Variants in ZNF292 observed in about 807,000 individuals in gnomAD.
ZNF292 encodes zinc finger protein 292.
In ZNF292, 26 loss-of-function variants were observed where a neutral mutation model predicts 217.9. The observed-to-expected ratio is 0.12, with a 90% confidence interval of 0.09 to 0.17. ZNF292 has a LOEUF of 0.17. Ranked by LOEUF, ZNF292 falls within the 10% of genes least tolerant of loss-of-function variation. The probability of loss-of-function intolerance (pLI) is 1.00; values close to 1 mark genes in which losing one functional copy is unlikely to be tolerated. For missense variants in ZNF292, 2,904 were observed against 3,175.2 expected (o/e 0.91, Z 2.05); for synonymous variants, 1,257 against 1,124.1 (o/e 1.12, Z -2.37).
Position 87,262,028 on chromosome 6 carries a change from A to G in ZNF292, c.*227A>G, listed in dbSNP as rs753099198. The G allele has an allele frequency of 2.9e-5, 9 of 313,262 alleles. No individual in the cohort carries two copies. The highest frequency in any genetic ancestry group is 4.7e-5 in the Non-Finnish European group (8 of 171,408). The allele number at this position is 313,262 out of a possible 1,614,324, so 19.4% of individuals were successfully genotyped here. On this transcript the variant is annotated 3_prime_UTR_variant, in exon 8 of 8. Transcript: ENST00000369577. ...AGTACTTCAGTTATTGTAAATAGTG[A>G]GCTAAACCTCAAATTTCTATCACCC...
rs544962692 is a variant in ZNF292 at position 87,261,702 on chromosome 6, C to T, written c.8073C>T (p.Thr2691=). Reference sequence around the variant, plus strand: ...AGCAACTTCAGGAAATGAAACCTACCGTCAGTCTGAAAAAACTTGAAGTAC... The same window carrying T: ...AGCAACTTCAGGAAATGAAACCTACTGTCAGTCTGAAAAAACTTGAAGTAC... ...VLKQLQEMKP[T]VSLKKLEVHS... is the part of the protein sequence containing the mutation. Residue 2691 remains threonine, a synonymous_variant, in exon 8 of 8, where the codon ACC becomes ACT. Transcript: ENST00000369577. 19 of 1,612,820 alleles carry T rather than the reference C, an allele frequency of 1.2e-5. No homozygotes were observed. The highest frequency in any genetic ancestry group is 8.8e-5 in the South Asian group (8 of 91,012).
At chr6:87,164,440 G>A (rs1267368840) in intron 1 of ZNF292, among the ~76,000 whole-genome samples, 1 of 152,178 alleles carries the variant, frequency 6.6e-6, no homozygotes, top group Non-Finnish European at 1.5e-5. Context: ...CAGCCACCTT[G>A]TGGGAAGGGG....
Position 87,241,361 on chromosome 6 carries a change from A to G in ZNF292, c.742-2114A>G, listed in dbSNP as rs571280640. 2.8e-3 allele frequency among the ~76,000 whole-genome samples: 427 copies of G among 152,144 alleles called. 3 individuals carry two copies. The highest frequency in any genetic ancestry group is 9.8e-3 in the African/African-American group (407 of 41,512). On this transcript the variant is annotated intron_variant, in intron 5 of 7. Transcript: ENST00000369577. Reference sequence around the variant, plus strand: ...CAGCATTGCATGAGTGTCACAGGGTAATTGTTTAACGTAATTTTGAATAAA... The same window carrying G: ...CAGCATTGCATGAGTGTCACAGGGTGATTGTTTAACGTAATTTTGAATAAA...
At chr6:87,184,232 T>G (rs1196538228) in intron 1 of ZNF292, among the ~76,000 whole-genome samples, 5 of 152,248 alleles carry the variant, frequency 3.3e-5, no homozygotes, top group East Asian at 1.9e-4. Flanking sequence ...AATACATGAT[T>G]GAATAATTTG....
chr6:87,184,429 T>A (rs1771571610), intron 1 of ZNF292, among the ~76,000 whole-genome samples: 1 of 152,010 alleles, frequency 6.6e-6, no homozygotes, highest in African/African-American at 2.4e-5. Flanking sequence ...AACTTCTGTC[T>A]TTCACCATTA....
At chr6:87,239,435 C>T (rs796670066) in intron 5 of ZNF292, among the ~76,000 whole-genome samples, 2 of 109,432 alleles carry the variant, frequency 1.8e-5, no homozygotes, top group South Asian at 3.2e-4. Flanking sequence ...GCTGGCCGGG[C>T]GGGGGCTGCC....
intron 3 of ZNF292, among the ~76,000 whole-genome samples, chr6:87,216,698 A>G (rs1772800202): frequency 6.6e-6 from 1 of 152,062 alleles, no homozygotes; most frequent in Non-Finnish European, 1.5e-5. Context: ...AATGTGCTTT[A>G]TAAGAATTTC....
chr6:87,249,624 A>T (rs184853503), intron 7 of ZNF292, among the ~76,000 whole-genome samples: 1 of 152,228 alleles, frequency 6.6e-6, no homozygotes, highest in East Asian at 1.9e-4. Flanking sequence ...AAGTTAAGCT[A>T]TAGTGATTAG....
At chr6:87,183,559 C>T (rs1771536423) in intron 1 of ZNF292, among the ~76,000 whole-genome samples, 1 of 152,016 alleles carries the variant, frequency 6.6e-6, no homozygotes, top group Admixed American at 6.6e-5. Flanking sequence ...TCCATTAATT[C>T]TGGAAAAAAT....
chr6:87,162,583 C>A (rs78332856), intron 1 of ZNF292, among the ~76,000 whole-genome samples: 5,043 of 152,184 alleles, frequency 0.033, 137 homozygotes, highest in Non-Finnish European at 0.051. Flanking sequence ...TTTAAATGTT[C>A]ATAATTAGTA....
At chr6:87,240,247 C>G (rs1443035731) in intron 5 of ZNF292, among the ~76,000 whole-genome samples, 2 of 152,092 alleles carry the variant, frequency 1.3e-5, no homozygotes, top group African/African-American at 4.8e-5. Flanking sequence ...AGGCACTCAG[C>G]AGGCTGAGGC....
chr6:87,161,134 A>G (rs906358996), intron 1 of ZNF292, among the ~76,000 whole-genome samples: 1 of 152,342 alleles, frequency 6.6e-6, no homozygotes. Flanking sequence ...AGCAGAAATT[A>G]CAAGCAATTG....
chr6:87,221,523 C>T (rs1773080103), intron 4 of ZNF292, among the ~76,000 whole-genome samples: 1 of 152,076 alleles, frequency 6.6e-6, no homozygotes, highest in Non-Finnish European at 1.5e-5. Context: ...TTGGAGCTTC[C>T]AGCTTTTGGA....
intron 5 of ZNF292, among the ~76,000 whole-genome samples, chr6:87,238,935 C>T (rs1289679134): frequency 1.3e-4 from 19 of 151,940 alleles, no homozygotes; most frequent in African/African-American, 3.6e-4. Flanking sequence ...CATCTTGCAC[C>T]GCCCTTAATC....
At chr6:87,231,326 A>G (rs74810203) in intron 4 of ZNF292, among the ~76,000 whole-genome samples, 1 of 148,236 alleles carries the variant, frequency 6.7e-6, no homozygotes, top group East Asian at 1.9e-4. Context: ...AGTCAAATAG[A>G]AAAAAAAAAA....
At chr6:87,198,852 T>C (rs1772032796) in intron 1 of ZNF292, among the ~76,000 whole-genome samples, 1 of 152,244 alleles carries the variant, frequency 6.6e-6, no homozygotes, top group Non-Finnish European at 1.5e-5. Context: ...TTCATTCCTT[T>C]TTATTGTTGA....
intron 1 of ZNF292, among the ~76,000 whole-genome samples, chr6:87,179,265 T>G (rs1771395245): frequency 6.8e-6 from 1 of 147,844 alleles, no homozygotes; most frequent in Non-Finnish European, 1.5e-5. Flanking sequence ...GTTCAAGAGA[T>G]TTTTCCTGCC....
rs1775744351 is a variant in ZNF292 at position 87,264,286 on chromosome 6, C to T, written c.*2485C>T. Reference sequence around the variant, plus strand: ...CTAAAAAGTAGGAGTTTTTCCTCTTCTGAACCCGCAAAGTTTGCATATTAC... The same window carrying T: ...CTAAAAAGTAGGAGTTTTTCCTCTTTTGAACCCGCAAAGTTTGCATATTAC... On this transcript the variant is annotated 3_prime_UTR_variant, in exon 8 of 8. Coordinates refer to ENST00000369577, the MANE Select transcript of ZNF292 (RefSeq NM_015021.3). The T allele has an allele frequency of 6.6e-6, 1 of 152,142 alleles. No homozygotes were observed. The highest frequency in any genetic ancestry group is 1.9e-4 in the East Asian group (1 of 5,198). 9.4% of individuals were successfully genotyped at this position (152,142 alleles called of 1,614,324 possible).
At chr6:87,163,165 C>T (rs997430307) in intron 1 of ZNF292, among the ~76,000 whole-genome samples, 2 of 151,944 alleles carry the variant, frequency 1.3e-5, no homozygotes, top group Non-Finnish European at 2.9e-5. Flanking sequence ...CAGTTACATA[C>T]ATAGGGCTGG....
Sources: gnomAD v4.1 joint callset for allele counts (sites outside exome capture counted in the v4.1 genomes callset) on GRCh38, gnomAD v4.1.1 for gene constraint, MANE v1.5 for transcripts, NCBI Gene and HGNC (gene_info 2026-07-23, HGNC 2026-07-21) for gene names.